The following LINGO2 variants were observed in gnomAD, a reference collection of about 807,000 sequenced individuals.
LINGO2 encodes leucine rich repeat and Ig domain containing 2.
Under a neutral mutation model 30.6 loss-of-function variants are expected in LINGO2, and 14 were observed. The ratio of observed to expected loss-of-function variants is 0.46; its 90% CI spans 0.30 to 0.72. The LOEUF is 0.72. Ranked by LOEUF, LINGO2 falls within the 30% of genes least tolerant of loss-of-function variation. The probability of loss-of-function intolerance (pLI) is 0.07; values close to 1 mark genes in which losing one functional copy is unlikely to be tolerated. For synonymous variants in LINGO2, 317 were observed against 288.5 expected, an observed-to-expected ratio of 1.10 and a Z score of -1.00; for missense variants, 729 against 751.7, an observed-to-expected ratio of 0.97 and a Z score of 0.35.
chr9:27,961,276 C>T (rs1819832656), intron 5 of LINGO2, among the ~76,000 whole-genome samples: 1 of 152,102 alleles, frequency 6.6e-6, no homozygotes, highest in Non-Finnish European at 1.5e-5. Context: ...GGATGTGACC[C>T]CATCATAAGT....
chr9:29,093,367 A>G, the LINGO2 span, among the ~76,000 whole-genome samples: 7 of 133,494 alleles, frequency 5.2e-5, no homozygotes, highest in African/African-American at 1.9e-4. Context: ...CTGATGTCCT[A>G]TACTAATTTG....
intron 4 of LINGO2, among the ~76,000 whole-genome samples, chr9:28,057,062 G>A (rs1049386717): frequency 1.3e-5 from 2 of 152,090 alleles, no homozygotes; most frequent in African/African-American, 4.8e-5. Flanking sequence ...ACATGATAAT[G>A]TAATGATTGT....
At chr9:28,819,437 G>A in the LINGO2 span, among the ~76,000 whole-genome samples, 1 of 152,074 alleles carries the variant, frequency 6.6e-6, no homozygotes, top group African/African-American at 2.4e-5. Flanking sequence ...TATAACATCT[G>A]ATATGGCATA....
the LINGO2 span, among the ~76,000 whole-genome samples, chr9:29,088,195 C>A: frequency 2.6e-5 from 4 of 152,028 alleles, no homozygotes; most frequent in Non-Finnish European, 5.9e-5. Context: ...GCAATATTGC[C>A]TTCAAGCTCA....
Position 28,499,916 on chromosome 9 carries a change from A to G in LINGO2, c.-364-23891T>C, listed in dbSNP as rs74883549. On this transcript the variant is annotated intron_variant, in intron 1 of 5. Coordinates refer to ENST00000379992, the Ensembl canonical transcript of LINGO2. ...GTTGCACAGTCACACAAGCCACAAA[A>G]AAATGTATGTCACCTCCTAGAAACT... Among the ~76,000 whole-genome samples, 97 of 152,286 alleles carry G rather than the reference A, an allele frequency of 6.4e-4. No homozygotes were observed. The East Asian group carries it at 0.017, about 27-fold the overall frequency.
At chr9:27,995,607 T>A (rs1366507795) in intron 5 of LINGO2, among the ~76,000 whole-genome samples, 1 of 152,194 alleles carries the variant, frequency 6.6e-6, no homozygotes, top group African/African-American at 2.4e-5. Context: ...AAAAGCCATA[T>A]GATTATTTGA....
chr9:28,365,489 C>T (rs1408175647), intron 3 of LINGO2, among the ~76,000 whole-genome samples: 1 of 152,122 alleles, frequency 6.6e-6, no homozygotes, highest in Non-Finnish European at 1.5e-5. Context: ...GCAACACCCC[C>T]TAGTGCAAGA....
intron 1 of LINGO2, among the ~76,000 whole-genome samples, chr9:28,638,542 T>C (rs142134351): frequency 9.7e-4 from 148 of 152,258 alleles, no homozygotes; most frequent in African/African-American, 3.4e-3. Context: ...CCTGGTTTAG[T>C]CTTGGGAGGG....
At chr9:28,859,358 T>C in the LINGO2 span, among the ~76,000 whole-genome samples, 2 of 152,032 alleles carry the variant, frequency 1.3e-5, no homozygotes, top group African/African-American at 4.8e-5. Flanking sequence ...AAATAAAAGG[T>C]TGATATTCTA....
chr9:29,090,490 G>A, the LINGO2 span, among the ~76,000 whole-genome samples: 1 of 151,934 alleles, frequency 6.6e-6, no homozygotes, highest in Non-Finnish European at 1.5e-5. Context: ...TGATTCATTT[G>A]TGTATCTCAA....
chr9:28,306,052 A>T (rs1824338978), intron 3 of LINGO2, among the ~76,000 whole-genome samples: 1 of 152,078 alleles, frequency 6.6e-6, no homozygotes, highest in Non-Finnish European at 1.5e-5. Context: ...AGCCAAACCA[A>T]TCAGGATCAA....
At chr9:28,784,892 G>A in the LINGO2 span, among the ~76,000 whole-genome samples, 1 of 151,300 alleles carries the variant, frequency 6.6e-6, no homozygotes, top group Non-Finnish European at 1.5e-5. Context: ...AGGTTGTAGT[G>A]AGCCGAGATC....
chr9:29,145,431 T>C, the LINGO2 span, among the ~76,000 whole-genome samples: 5 of 150,898 alleles, frequency 3.3e-5, no homozygotes, highest in African/African-American at 1.2e-4. Context: ...TTTTTTTTTT[T>C]CCTTTGGTGG....
the LINGO2 span, among the ~76,000 whole-genome samples, chr9:29,187,501 G>A: frequency 6.6e-6 from 1 of 152,086 alleles, no homozygotes; most frequent in Non-Finnish European, 1.5e-5. Flanking sequence ...TTTGTGCCTA[G>A]TTCATAGAAA....
At chr9:28,384,826 TAA>T (rs34344145) in intron 2 of LINGO2, among the ~76,000 whole-genome samples, 3 of 124,676 alleles carry the variant, frequency 2.4e-5, no homozygotes, top group Non-Finnish European at 5.5e-5. Flanking sequence ...CTTTGTGTGA[TAA>T]AAAAAAAAAA....
chr9:28,394,086 G>C (rs1821947971), intron 2 of LINGO2, among the ~76,000 whole-genome samples: 1 of 151,842 alleles, frequency 6.6e-6, no homozygotes, highest in South Asian at 2.1e-4. Flanking sequence ...GTTTTCATGA[G>C]AGTCTCTGTC....
intron 4 of LINGO2, among the ~76,000 whole-genome samples, chr9:28,258,337 C>A (rs545407624): frequency 6.6e-6 from 1 of 151,830 alleles, no homozygotes; most frequent in Non-Finnish European, 1.5e-5. Flanking sequence ...CCCTATGACC[C>A]TTCTCTTATT....
At chr9:28,494,008 T>C (rs546001006) in intron 1 of LINGO2, among the ~76,000 whole-genome samples, 119 of 152,242 alleles carry the variant, frequency 7.8e-4, no homozygotes, top group African/African-American at 2.8e-3. Context: ...TTCTTCTTAA[T>C]TGACTCCCCT....
At chr9:28,144,757 G>C (rs934408503) in intron 4 of LINGO2, among the ~76,000 whole-genome samples, 11 of 152,184 alleles carry the variant, frequency 7.2e-5, no homozygotes, top group East Asian at 1.9e-4. Flanking sequence ...GGAGTTTACT[G>C]TCTGGTTTGG....
Sources: gnomAD v4.1 joint callset for allele counts (sites outside exome capture counted in the v4.1 genomes callset) on GRCh38, gnomAD v4.1.1 for gene constraint, MANE v1.5 for transcripts, NCBI Gene and HGNC (gene_info 2026-07-23, HGNC 2026-07-21) for gene names.